The following ADAMTS6 variants were observed in gnomAD, a reference collection of about 807,000 sequenced individuals.
ADAMTS6 encodes ADAM metallopeptidase with thrombospondin type 1 motif 6, also known as A disintegrin and metalloproteinase with thrombospondin motifs 6.
A neutral mutation model predicts 144.3 loss-of-function variants in ADAMTS6; 23 were observed. The ratio of observed to expected loss-of-function variants is 0.16; its 90% CI spans 0.11 to 0.23. ADAMTS6 has a LOEUF of 0.23. Ranked by LOEUF, ADAMTS6 falls within the 10% of genes least tolerant of loss-of-function variation. The probability of loss-of-function intolerance (pLI) is 1.00; values close to 1 mark genes in which losing one functional copy is unlikely to be tolerated. For missense variants in ADAMTS6, 999 were observed against 1,379.6 expected (o/e 0.72, Z 4.37); for synonymous variants, 444 against 457.5 (o/e 0.97, Z 0.38).
intron 24 of ADAMTS6, among the ~76,000 whole-genome samples, chr5:65,161,330 G>GC (rs1043689907): frequency 1.2e-4 from 19 of 152,338 alleles, no homozygotes; most frequent in African/African-American, 3.6e-4. Context: ...GAGCCACCGT[G>GC]CCCGGCCTCC....
intron 7 of ADAMTS6, among the ~76,000 whole-genome samples, chr5:65,411,159 T>C (rs1048251877): frequency 6.6e-6 from 1 of 152,076 alleles, no homozygotes; most frequent in Non-Finnish European, 1.5e-5. Context: ...TAAGGGTAAA[T>C]AGTGTTCTAT....
At chr5:65,163,219 T>A (rs908494671) in intron 24 of ADAMTS6, among the ~76,000 whole-genome samples, 8 of 152,156 alleles carry the variant, frequency 5.3e-5, no homozygotes, top group Non-Finnish European at 8.8e-5. Flanking sequence ...CTAAGAGATT[T>A]TTTTTTTTAA....
intron 22 of ADAMTS6, among the ~76,000 whole-genome samples, chr5:65,173,500 T>A (rs996207547): frequency 3.3e-5 from 5 of 152,186 alleles, no homozygotes; most frequent in Non-Finnish European, 5.9e-5. Context: ...GGTGAAGGTT[T>A]CTTGCACAGA....
At chr5:65,329,136 AC>A (rs1746456406) in intron 9 of ADAMTS6, among the ~76,000 whole-genome samples, 1 of 152,174 alleles carries the variant, frequency 6.6e-6, no homozygotes, top group African/African-American at 2.4e-5. Flanking sequence ...AGGAGACTGA[AC>A]AAAAACTTAA....
At position 65,214,414 on chromosome 5, in the gene ADAMTS6, C is replaced by T. The variant is rs923338513; in HGVS notation, c.2575+380G>A. The T allele has an allele frequency of 4.9e-5, 17 of 350,104 alleles. No homozygotes were observed. The highest frequency in any genetic ancestry group is 3.4e-4 in the African/African-American group (16 of 46,838). 21.7% of individuals were successfully genotyped at this position (350,104 alleles called of 1,614,324 possible). The stretch of plus-strand genomic sequence containing the variant: ...CAACAAGCACACAGCCGTACATTCT[C>T]ATCTCCCATTACAAGAAGTTGCATC... On this transcript the variant is annotated intron_variant, in intron 20 of 24. Transcript: ENST00000381055. The surrounding 1 kb of genome is among the most constrained non-coding windows in gnomAD (Gnocchi z 4.6).
chr5:65,442,232 A>G (rs1266662583), intron 7 of ADAMTS6, among the ~76,000 whole-genome samples: 1 of 152,158 alleles, frequency 6.6e-6, no homozygotes, highest in Non-Finnish European at 1.5e-5. Flanking sequence ...TGATTTTACT[A>G]TACATTCTAC....
chr5:65,438,922 G>A (rs1388669899), intron 7 of ADAMTS6, among the ~76,000 whole-genome samples: 2 of 152,202 alleles, frequency 1.3e-5, no homozygotes, highest in Non-Finnish European at 2.9e-5. Context: ...GAAAGATTAA[G>A]AGGAGACAAT....
At chr5:65,455,941 C>T (rs956071239) in intron 4 of ADAMTS6, among the ~76,000 whole-genome samples, 1 of 151,778 alleles carries the variant, frequency 6.6e-6, no homozygotes, top group African/African-American at 2.4e-5. Context: ...CTCTAACAAA[C>T]TACAAATTAT....
intron 15 of ADAMTS6, among the ~76,000 whole-genome samples, chr5:65,229,147 GA>G (rs928879196): frequency 6.6e-6 from 1 of 152,160 alleles, no homozygotes; most frequent in African/African-American, 2.4e-5. Context: ...AACCACCCTA[GA>G]AAAAACAAAC....
intron 7 of ADAMTS6, among the ~76,000 whole-genome samples, chr5:65,434,460 G>A (rs1176092612): frequency 6.6e-6 from 1 of 152,028 alleles, no homozygotes; most frequent in African/African-American, 2.4e-5. Context: ...TAAATTGTAT[G>A]GTGTATAAAG....
At chr5:65,262,655 T>G (rs1411565275) in intron 13 of ADAMTS6, 162 bp downstream of exon 13, 1 of 657,190 alleles carries the variant, frequency 1.5e-6, no homozygotes, top group Non-Finnish European at 2.2e-6. Flanking sequence ...GAAGAAAGTC[T>G]GTCTAACAAA....
chr5:65,220,152 T>C (rs1291429377), intron 18 of ADAMTS6, among the ~76,000 whole-genome samples: 1 of 152,196 alleles, frequency 6.6e-6, no homozygotes, highest in African/African-American at 2.4e-5. Flanking sequence ...GTGTGTTTTC[T>C]GTCCAAAATA....
intron 14 of ADAMTS6, among the ~76,000 whole-genome samples, chr5:65,249,641 C>G (rs1424552956): frequency 6.6e-6 from 1 of 152,180 alleles, no homozygotes; most frequent in East Asian, 1.9e-4. Context: ...ATTCTTTCTT[C>G]TGAGGAGGCA....
chr5:65,268,363 A>C (rs1188235298), intron 12 of ADAMTS6, among the ~76,000 whole-genome samples: 1 of 152,216 alleles, frequency 6.6e-6, no homozygotes, highest in Non-Finnish European at 1.5e-5. Flanking sequence ...GTTCAGTAAC[A>C]ATGCCAACAC....
intron 21 of ADAMTS6, among the ~76,000 whole-genome samples, chr5:65,194,106 C>T (rs1010783314): frequency 1.3e-5 from 2 of 152,104 alleles, no homozygotes; most frequent in Non-Finnish European, 2.9e-5. Flanking sequence ...TCTTCACACT[C>T]GTAAAGTTTT....
At chr5:65,157,657 G>C (rs2111974817) in intron 24 of ADAMTS6, among the ~76,000 whole-genome samples, 1 of 152,346 alleles carries the variant, frequency 6.6e-6, no homozygotes, top group East Asian at 1.9e-4. Flanking sequence ...AGTACAAACA[G>C]CTGTGCTTCT....
intron 9 of ADAMTS6, among the ~76,000 whole-genome samples, chr5:65,308,279 C>T (rs1223880273): frequency 6.6e-6 from 1 of 152,104 alleles, no homozygotes; most frequent in Non-Finnish European, 1.5e-5. Flanking sequence ...ACTACTGGTG[C>T]CTATGCATTG....
chr5:65,358,632 T>C (rs1267106805), intron 7 of ADAMTS6, among the ~76,000 whole-genome samples: 1 of 151,912 alleles, frequency 6.6e-6, no homozygotes. Flanking sequence ...AAATATACTA[T>C]AAAGCTGTAA....
chr5:65,378,443 T>C (rs1580542513), intron 7 of ADAMTS6, among the ~76,000 whole-genome samples: 2 of 152,180 alleles, frequency 1.3e-5, no homozygotes, highest in Non-Finnish European at 2.9e-5. Flanking sequence ...GTCTCCGAAT[T>C]GACCTCTCTA....
Sources: gnomAD v4.1 joint callset for allele counts (sites outside exome capture counted in the v4.1 genomes callset) on GRCh38, gnomAD v4.1.1 for gene constraint, Gnocchi (gnomAD v3.1) non-coding constraint, MANE v1.5 for transcripts, NCBI Gene and HGNC (gene_info 2026-07-23, HGNC 2026-07-21) for gene names.